Variants in RELCH observed in about 807,000 individuals in gnomAD.
RELCH encodes RAB11-binding protein RELCH.
In RELCH, 41 loss-of-function variants were observed where a neutral mutation model predicts 150.3. The ratio of observed to expected loss-of-function variants is 0.27; its 90% CI spans 0.21 to 0.35. The LOEUF is 0.35. Ranked by LOEUF, RELCH falls within the 10% of genes least tolerant of loss-of-function variation. RELCH has a pLI of 1.00. For missense variants in RELCH, 1,092 were observed against 1,467.8 expected, an observed-to-expected ratio of 0.74 and a Z score of 4.18; for synonymous variants, 478 against 531.8, an observed-to-expected ratio of 0.90 and a Z score of 1.39.
intron 1 of RELCH, among the ~76,000 whole-genome samples, chr18:62,191,255 A>G (rs532545314): frequency 2.0e-5 from 3 of 152,206 alleles, no homozygotes; most frequent in South Asian, 2.1e-4. Context: ...CATCTCCTAA[A>G]CATTTGGTAT....
At chr18:62,199,148 A>G (rs566969389) in intron 1 of RELCH, among the ~76,000 whole-genome samples, 2 of 149,688 alleles carry the variant, frequency 1.3e-5, no homozygotes, top group South Asian at 2.1e-4. Flanking sequence ...TGTCTTCCAT[A>G]TTTCTTCTAA....
chr18:62,304,374 GT>G (rs1048002322), intron 28 of RELCH, among the ~76,000 whole-genome samples: 1 of 152,162 alleles, frequency 6.6e-6, no homozygotes, highest in Non-Finnish European at 1.5e-5. Flanking sequence ...TTCTGGTTTG[GT>G]TTTTAACTTG....
intron 2 of RELCH, among the ~76,000 whole-genome samples, chr18:62,211,623 A>C (rs1420618606): frequency 2.0e-5 from 3 of 152,164 alleles, no homozygotes; most frequent in African/African-American, 7.2e-5. Context: ...TGATTGTTAA[A>C]AATTGGTTTT....
At position 62,264,714 on chromosome 18, in the gene RELCH, T is replaced by C. The variant is rs1241145561; in HGVS notation, c.2508-15T>C. On this transcript the variant is annotated splice_polypyrimidine_tract_variant and intron_variant, in intron 17 of 28. Coordinates refer to ENST00000644646, the MANE Select transcript of RELCH (RefSeq NM_001346231.2). ...TATGTATCCCCTGCCTATTTTTCTT[T>C]CCTTTCATATTCAGGTTGCCACAAC... 6.4e-7 allele frequency: 1 copy of C among 1,562,216 alleles called. No homozygotes were observed.
At chr18:62,204,860 T>C (rs1250188677) in intron 1 of RELCH, among the ~76,000 whole-genome samples, 3 of 152,238 alleles carry the variant, frequency 2.0e-5, no homozygotes, top group Non-Finnish European at 4.4e-5. Flanking sequence ...TTTTTGTTTG[T>C]TTATTTAAGA....
intron 19 of RELCH, 65 bp downstream of exon 19, chr18:62,266,814 T>G: frequency 1.1e-6 from 1 of 920,044 alleles, no homozygotes; most frequent in Non-Finnish European, 1.7e-6. Flanking sequence ...AATACTATAT[T>G]CTCCATATAT....
chr18:62,225,799 GT>G lies in RELCH; in HGVS notation c.859-1478del, dbSNP rs554106922. Among the ~76,000 whole-genome samples, 1,143 of 146,024 alleles carry G rather than the reference GT, an allele frequency of 7.8e-3. 13 individuals carry two copies. Among genetic ancestry groups the G allele is most frequent in the African/African-American group, 0.026 (1,043 of 40,218 alleles). On this transcript the variant is annotated intron_variant, in intron 5 of 28. Transcript: ENST00000644646. ...ATTATGTGTAATGTTCATTTAATAAGTTTTTTTTTTTTAAGTTAAAAGTTGT... is the reference window on the plus strand; with the variant it reads ...ATTATGTGTAATGTTCATTTAATAAGTTTTTTTTTTTAAGTTAAAAGTTGT...
At chr18:62,234,863 T>C (rs1221530194) in intron 10 of RELCH, 2 of 151,982 alleles carry the variant, frequency 1.3e-5, no homozygotes, top group African/African-American at 2.4e-5. Flanking sequence ...TTGCAAATAT[T>C]TTCTTTCATC....
intron 10 of RELCH, 113 bp downstream of exon 10, chr18:62,232,540 C>A: frequency 1.5e-6 from 1 of 650,930 alleles, no homozygotes; most frequent in Non-Finnish European, 2.8e-6. Flanking sequence ...TACTTGCAAT[C>A]ATATTCTTAC....
Position 62,187,627 on chromosome 18 carries a change from TG to T in RELCH, c.125del (p.Gly42AlafsTer6). The T allele has an allele frequency of 1.3e-6, 2 of 1,537,670 alleles. No individual in the cohort carries two copies. Among genetic ancestry groups the T allele is most frequent in the Non-Finnish European group, 1.8e-6 (2 of 1,140,492 alleles). ...GAGGAACGGCGGGCAGTACTTCGGC[TG>T]GGCGCCGGAAGTGGCCTAGATCCTG... ...ATEERRAVLR[L>X]GAGSGLDPGS... On this transcript the variant is annotated frameshift_variant, in exon 1 of 29. Coordinates refer to ENST00000644646, the MANE Select transcript of RELCH (RefSeq NM_001346231.2). LOFTEE classifies it high-confidence loss of function.
chr18:62,241,526 A>G (rs1278719784), intron 10 of RELCH, among the ~76,000 whole-genome samples: 2 of 152,186 alleles, frequency 1.3e-5, no homozygotes, highest in Non-Finnish European at 2.9e-5. Context: ...CATAGTTATT[A>G]TTTTAATATT....
intron 19 of RELCH, among the ~76,000 whole-genome samples, chr18:62,268,150 C>T (rs557764197): frequency 1.1e-4 from 17 of 152,042 alleles, no homozygotes; most frequent in Admixed American, 7.9e-4. Context: ...GGGAATATAA[C>T]AGCAAACTAA....
At chr18:62,263,849 A>G in intron 16 of RELCH, 140 bp from the exon 17 acceptor site, 1 of 570,830 alleles carries the variant, frequency 1.8e-6, no homozygotes, top group South Asian at 2.7e-5. Flanking sequence ...TAATTAGTGT[A>G]TTTCAATTTT....
chr18:62,200,711 A>G (rs913023641), intron 1 of RELCH, among the ~76,000 whole-genome samples: 2 of 152,022 alleles, frequency 1.3e-5, no homozygotes, highest in Non-Finnish European at 2.9e-5. Flanking sequence ...CAAGCCTTCC[A>G]AATAATTTCA....
intron 5 of RELCH, among the ~76,000 whole-genome samples, chr18:62,222,353 T>G (rs1330929874): frequency 6.6e-6 from 1 of 151,980 alleles, no homozygotes; most frequent in Non-Finnish European, 1.5e-5. Flanking sequence ...AAACTAATAT[T>G]TAACATGAGT....
At position 62,299,857 on chromosome 18, in the gene RELCH, G is replaced by A. The variant is rs929251366; in HGVS notation, c.3530+997G>A. ...TCTGATATGTATCTTTTAAAGATAA[G>A]TATTATTTAAAAAAACATAAACACA... On this transcript the variant is annotated intron_variant, in intron 28 of 28. Coordinates refer to ENST00000644646, the MANE Select transcript of RELCH (RefSeq NM_001346231.2). Among the ~76,000 whole-genome samples the A allele has an allele frequency of 5.9e-5, 9 of 151,962 alleles. 1 individual carries two copies. Among genetic ancestry groups the A allele is most frequent in the Non-Finnish European group, 1.3e-4 (9 of 67,998 alleles).
rs2044559616 is a variant in RELCH at position 62,282,351 on chromosome 18, C to T, written c.3160C>T (p.Pro1054Ser). The T allele has an allele frequency of 6.2e-7, 1 of 1,612,922 alleles. No individual in the cohort carries two copies. ...GCAGTTGGCTTCTTTCCTGGAAGAT[C>T]CTCAGTATCAAGACCAACATTCTTT... is the stretch of plus-strand genomic sequence containing the variant. ...KMQLASFLED[P>S]QYQDQHSLHT... is the part of the protein sequence containing the mutation. Residue 1054 changes from proline (P) to serine (S), a missense_variant, in exon 25 of 29, where the codon CCT (proline) becomes TCT (serine). Pro to Ser is a moderately conservative substitution (Grantham distance 74). Around this residue, in one of 4 missense-constraint regions of RELCH, gnomAD observed 707 missense variants for 1,025.4 expected, o/e 0.69. Coordinates refer to ENST00000644646, the MANE Select transcript of RELCH (RefSeq NM_001346231.2).
intron 1 of RELCH, among the ~76,000 whole-genome samples, chr18:62,201,880 C>A (rs2148245336): frequency 6.6e-6 from 1 of 152,194 alleles, no homozygotes; most frequent in Non-Finnish European, 1.5e-5. Flanking sequence ...TCTTAAAGTG[C>A]CATGTAGTTT....
At chr18:62,294,360 C>T (rs2045301689) in intron 27 of RELCH, among the ~76,000 whole-genome samples, 1 of 152,184 alleles carries the variant, frequency 6.6e-6, no homozygotes, top group Non-Finnish European at 1.5e-5. Flanking sequence ...TGTTTGCCAA[C>T]ACTTGGTATT....
Sources: gnomAD v4.1 joint callset for allele counts (sites outside exome capture counted in the v4.1 genomes callset) on GRCh38, gnomAD v4.1.1 for gene constraint, gnomAD v4.1.1 regional missense constraint, MANE v1.5 for transcripts, NCBI Gene and HGNC (gene_info 2026-07-23, HGNC 2026-07-21) for gene names.